The following GRAMD1B variants were observed in gnomAD, a reference collection of about 807,000 sequenced individuals.
The protein encoded by GRAMD1B is GRAM domain containing 1B.
GRAMD1B carries 37 observed loss-of-function variants against 99.7 expected under a neutral mutation model. The observed-to-expected ratio is 0.37, with a 90% CI of 0.29 to 0.49. GRAMD1B has a LOEUF of 0.49. Ranked by LOEUF, GRAMD1B falls within the 20% of genes least tolerant of loss-of-function variation. GRAMD1B has a pLI of 0.98. For synonymous variants in GRAMD1B, 427 were observed against 387.6 expected, an observed-to-expected ratio of 1.10 and a Z score of -1.19; for missense variants, 888 against 1,009.2, an observed-to-expected ratio of 0.88 and a Z score of 1.63.
At chr11:123,553,872 G>A (rs768936715) in intron 2 of GRAMD1B, among the ~76,000 whole-genome samples, 9 of 152,096 alleles carry the variant, frequency 5.9e-5, no homozygotes, top group Non-Finnish European at 1.0e-4. Flanking sequence ...ATACCAACTC[G>A]TTTATAATTC....
chr11:123,392,102 G>C (rs1477592796), intron 1 of GRAMD1B, among the ~76,000 whole-genome samples: 1 of 152,060 alleles, frequency 6.6e-6, no homozygotes, highest in South Asian at 2.1e-4. Flanking sequence ...CAATCAGTGG[G>C]AACAGCGAAG....
At chr11:123,470,388 A>T (rs1950952629) in intron 1 of GRAMD1B, among the ~76,000 whole-genome samples, 1 of 152,092 alleles carries the variant, frequency 6.6e-6, no homozygotes, top group South Asian at 2.1e-4. Context: ...TTTCACCATG[A>T]TGTCCAGGCT....
intron 6 of GRAMD1B, among the ~76,000 whole-genome samples, chr11:123,595,440 T>G (rs1209291035): frequency 2.0e-5 from 3 of 152,090 alleles, no homozygotes; most frequent in Non-Finnish European, 2.9e-5. Context: ...ATTACAGGCA[T>G]GCGCCACCAC....
In GRAMD1B at chr11:123,591,772, C is replaced by A. The variant is rs1040805118; in HGVS notation, c.685-2310C>A. On this transcript the variant is annotated intron_variant, in intron 4 of 19. Transcript: ENST00000635736. The surrounding 1 kb of genome is among the most constrained non-coding windows in gnomAD (Gnocchi z 4.7). ...ATGGTGGCAGGCCCAGCATGCCCAA[C>A]TGATGAGCCTGCCATGCACACAACA... 6.6e-6 allele frequency among the ~76,000 whole-genome samples: 1 copy of A among 152,154 alleles called. No homozygotes were observed. The highest frequency in any genetic ancestry group is 2.4e-5 in the African/African-American group (1 of 41,436).
chr11:123,614,084 C>T (rs1477345022), intron 16 of GRAMD1B, among the ~76,000 whole-genome samples: 1 of 152,204 alleles, frequency 6.6e-6, no homozygotes, highest in Non-Finnish European at 1.5e-5. Context: ...CAGGCTTGCC[C>T]TCTCAGGCCG....
At chr11:123,361,111 T>C (rs1591346253) in intron 1 of GRAMD1B, among the ~76,000 whole-genome samples, 1 of 152,162 alleles carries the variant, frequency 6.6e-6, no homozygotes, top group African/African-American at 2.4e-5. Context: ...CCACTGCGCC[T>C]GGCTGAAATC....
intron 2 of GRAMD1B, among the ~76,000 whole-genome samples, chr11:123,565,056 AAG>A (rs1947193541): frequency 6.6e-6 from 1 of 151,878 alleles, no homozygotes; most frequent in Admixed American, 6.6e-5. Flanking sequence ...TATTTTGAGA[AAG>A]GATCTCACTC....
At chr11:123,388,784 C>T (rs1947167845) in intron 1 of GRAMD1B, among the ~76,000 whole-genome samples, 1 of 152,168 alleles carries the variant, frequency 6.6e-6, no homozygotes, top group Admixed American at 6.5e-5. Flanking sequence ...CATCAGCCTG[C>T]AACCTGCAAG....
chr11:123,560,124 C>T, intron 2 of GRAMD1B: 1 of 852,046 alleles, frequency 1.2e-6, no homozygotes, highest in South Asian at 5.2e-5. Flanking sequence ...TAATTGAGCG[C>T]CGGCAAGCTG....
intron 1 of GRAMD1B, among the ~76,000 whole-genome samples, chr11:123,439,205 G>A (rs996709575): frequency 1.3e-5 from 2 of 152,092 alleles, no homozygotes; most frequent in Non-Finnish European, 2.9e-5. Context: ...GACTTGTTTC[G>A]GGTCTCTCAG....
At chr11:123,360,270 A>ACTTGAAGATCATGTCTCTTG (rs1473617584) in intron 1 of GRAMD1B, among the ~76,000 whole-genome samples, 12 of 152,080 alleles carry the variant, frequency 7.9e-5, no homozygotes, top group Non-Finnish European at 1.6e-4. Flanking sequence ...TTTGTTCCTT[A>ACTTGAAGATCATGTCTCTTG]CTTGAAGATC....
In GRAMD1B at chr11:123,505,254, A is replaced by G. The variant is rs750509598; in HGVS notation, c.452+24361A>G. On this transcript the variant is annotated intron_variant, in intron 2 of 19. Transcript: ENST00000635736. ...ACTCTGTTTTCCGGGCTGGTCCTGA[A>G]CTCCTGGCCTCAAGTGACTCTTCCC... is the stretch of plus-strand genomic sequence containing the variant. Among the ~76,000 whole-genome samples, 93 of 151,524 alleles carry G rather than the reference A, an allele frequency of 6.1e-4. 1 individual carries two copies. The highest frequency in any genetic ancestry group is 2.1e-4 in the South Asian group (1 of 4,774).
chr11:123,462,392 T>C (rs956840964), intron 1 of GRAMD1B, among the ~76,000 whole-genome samples: 2 of 152,160 alleles, frequency 1.3e-5, no homozygotes, highest in Non-Finnish European at 2.9e-5. Context: ...AGGTTTTCAC[T>C]TGCCTTGGAC....
intron 1 of GRAMD1B, among the ~76,000 whole-genome samples, chr11:123,445,904 C>A (rs2134312321): frequency 6.6e-6 from 1 of 151,372 alleles, no homozygotes; most frequent in Admixed American, 6.6e-5. Flanking sequence ...TTGGTTATAT[C>A]TTTTTATGTT....
chr11:123,519,740 G>A (rs1332999564), intron 2 of GRAMD1B, among the ~76,000 whole-genome samples: 2 of 152,252 alleles, frequency 1.3e-5, no homozygotes, highest in Non-Finnish European at 2.9e-5. Flanking sequence ...TAGAAGGAGA[G>A]CTTCAGGGAT....
rs940022088 is a variant in GRAMD1B at position 123,430,783 on chromosome 11, G to A, written c.-10G>A. ...GAGGGCTCAGGGGGAGCGCAGAGGC[G>A]ACGGCCCCCATGCCGGCGGCCAACA... On this transcript the variant is annotated 5_prime_UTR_variant, in exon 1 of 20. Coordinates refer to ENST00000635736, the MANE Select transcript of GRAMD1B (RefSeq NM_001387025.1). The A allele has an allele frequency of 3.0e-6, 2 of 670,040 alleles. No individual in the cohort carries two copies. The highest frequency in any genetic ancestry group is 5.4e-6 in the Non-Finnish European group (2 of 371,174). 41.5% of individuals were successfully genotyped at this position (670,040 alleles called of 1,614,324 possible).
chr11:123,533,895 G>A (rs143968968), intron 2 of GRAMD1B, among the ~76,000 whole-genome samples: 277 of 152,368 alleles, frequency 1.8e-3, no homozygotes, highest in African/African-American at 6.4e-3. Context: ...TAGAGTCCAT[G>A]CTCTTAACTA....
intron 2 of GRAMD1B, among the ~76,000 whole-genome samples, chr11:123,482,222 C>T (rs932041587): frequency 6.6e-6 from 1 of 152,036 alleles, no homozygotes; most frequent in Non-Finnish European, 1.5e-5. Context: ...CCTCAGCCTC[C>T]GGAGTAATTG....
chr11:123,581,479 C>T (rs1217837591), intron 3 of GRAMD1B, among the ~76,000 whole-genome samples: 3 of 152,178 alleles, frequency 2.0e-5, no homozygotes, highest in East Asian at 3.9e-4. Context: ...GACTCATTTC[C>T]GGGAATGCAG....
Sources: gnomAD v4.1 joint callset for allele counts (sites outside exome capture counted in the v4.1 genomes callset) on GRCh38, gnomAD v4.1.1 for gene constraint, Gnocchi (gnomAD v3.1) non-coding constraint, MANE v1.5 for transcripts, NCBI Gene and HGNC (gene_info 2026-07-23, HGNC 2026-07-21) for gene names.